Variants in PCDHA4 observed in about 807,000 individuals in gnomAD.
PCDHA4 encodes the protein protocadherin alpha 4.
A neutral mutation model predicts 61.4 loss-of-function variants in PCDHA4; 49 were observed. That is an observed-to-expected ratio of 0.80 (90% confidence interval 0.63 to 1.01). The LOEUF (loss-of-function observed/expected upper bound fraction) is 1.01, where lower values mean the gene tolerates loss of function less well. Among genes scored for constraint, PCDHA4 ranks in the 50% least tolerant of loss-of-function variants. The pLI is 0.00. For synonymous variants in PCDHA4, 590 were observed against 550.3 expected, an observed-to-expected ratio of 1.07 and a Z score of -1.01; for missense variants, 1,254 against 1,235.8, an observed-to-expected ratio of 1.01 and a Z score of -0.22.
chr5:140,869,973 C>A (rs782664221), intron 1 of PCDHA4: 2 of 1,613,100 alleles, frequency 1.2e-6, no homozygotes, highest in Admixed American at 1.7e-5. Context: ...ATGGAAGACA[C>A]TTATTTACAC....
At chr5:140,871,429 C>T in intron 1 of PCDHA4, 1 of 1,613,216 alleles carries the variant, frequency 6.2e-7, no homozygotes, top group Admixed American at 1.7e-5. Context: ...CCCCAGTCTT[C>T]CTCTAGGTCT....
intron 1 of PCDHA4, chr5:140,823,596 G>T (rs2150127281): frequency 6.2e-7 from 1 of 1,614,020 alleles, no homozygotes; most frequent in Non-Finnish European, 8.5e-7. Flanking sequence ...CTTGGCTTTC[G>T]TATGAGCTGC....
intron 1 of PCDHA4, among the ~76,000 whole-genome samples, chr5:140,933,797 A>G (rs1419925900): frequency 6.6e-6 from 1 of 152,062 alleles, no homozygotes; most frequent in African/African-American, 2.4e-5. Context: ...GAAAATTTTA[A>G]TTGAGATCAA....
chr5:140,813,034 G>T (rs1554126101), intron 1 of PCDHA4: 1 of 152,154 alleles, frequency 6.6e-6, no homozygotes, highest in African/African-American at 2.4e-5. Flanking sequence ...TCTTGAATTT[G>T]TTAAGACTTG....
At chr5:140,967,547 A>G (rs1554229662) in intron 1 of PCDHA4, 1 of 1,613,890 alleles carries the variant, frequency 6.2e-7, no homozygotes, top group Non-Finnish European at 8.5e-7. Context: ...TGACCAGTCC[A>G]CTTATCGCGT....
intron 1 of PCDHA4, among the ~76,000 whole-genome samples, chr5:140,908,124 C>A (rs782391085): frequency 6.6e-6 from 1 of 152,234 alleles, no homozygotes; most frequent in Non-Finnish European, 1.5e-5. Flanking sequence ...GATTTCCCTT[C>A]ACTGCTGTCC....
rs577527606 is a variant in PCDHA4 at position 140,882,595 on chromosome 5, C to A, written c.2385+73023C>A. 3.7e-6 allele frequency: 6 copies of A among 1,614,204 alleles called. No individual in the cohort carries two copies. The African/African-American group carries it at 8.0e-5, about 22-fold the overall frequency. On this transcript the variant is annotated intron_variant, in intron 1 of 3. Coordinates refer to ENST00000530339, the MANE Select transcript of PCDHA4 (RefSeq NM_018907.4). ...AGTGCAGCATCCACCTGGAGGTGAT[C>A]GTGGACAGGCCTCTGCAGGTTTTCC...
rs781941183 is a variant in PCDHA4, at chr5:140,884,613, C to T, written c.2385+75041C>T. On this transcript the variant is annotated intron_variant, in intron 1 of 3. Transcript: ENST00000530339. ...CCCAGCCTTCCTCCTTGTCTGGGTT[C>T]TGCAGAGGGAACAGGCCAGAGGGAG... 3 of 1,614,086 alleles carry T rather than the reference C, an allele frequency of 1.9e-6. No individual in the cohort carries two copies. The South Asian group carries it at 3.3e-5, about 18-fold the overall frequency.
At chr5:140,984,612 G>T (rs2097111075) in intron 3 of PCDHA4, among the ~76,000 whole-genome samples, 1 of 152,026 alleles carries the variant, frequency 6.6e-6, no homozygotes, top group Admixed American at 6.6e-5. Flanking sequence ...CTGCATCAGT[G>T]GTGTAAAGTT....
At position 140,982,510 on chromosome 5, in the gene PCDHA4, C is replaced by T; in HGVS notation, c.2480C>T (p.Ala827Val). 6.2e-7 allele frequency: 1 copy of T among 1,614,170 alleles called. No homozygotes were observed. The highest frequency in any genetic ancestry group is 8.5e-7 in the Non-Finnish European group (1 of 1,180,020). The change falls in exon 3 of 4, where the codon GCT becomes GTT. Residue 827 changes from alanine to valine, a missense_variant. Ala to Val is a moderately conservative substitution (Grantham distance 64, BLOSUM62 0). Coordinates refer to ENST00000530339, the MANE Select transcript of PCDHA4 (RefSeq NM_018907.4). ...CTAGAGGAGGCTGGCATTCTACGGGCTGGTCCAGGAGGGCCTGATCAGCAG... is the reference window on the plus strand; with the variant it reads ...CTAGAGGAGGCTGGCATTCTACGGGTTGGTCCAGGAGGGCCTGATCAGCAG... ...VHLEEAGILR[A>V]GPGGPDQQWP...
chr5:140,900,424 C>T (rs557118930), intron 1 of PCDHA4, among the ~76,000 whole-genome samples: 151 of 152,214 alleles, frequency 9.9e-4, no homozygotes, highest in African/African-American at 3.3e-3. Flanking sequence ...ATTATAGGCA[C>T]GTGCCACCAC....
At chr5:140,813,756 G>A (rs1381820714) in intron 1 of PCDHA4, 1 of 152,316 alleles carries the variant, frequency 6.6e-6, no homozygotes, top group African/African-American at 2.4e-5. Context: ...AGCACTTTGG[G>A]AGGCTGAGGA....
Position 140,807,093 on chromosome 5 carries a change from A to C in PCDHA4, c.-95A>C. ...ATATACACTCTTTGGAGTCTGAAAT[A>C]TGGAGGATGCAGCTGCACTTGACTG... On this transcript the variant is annotated 5_prime_UTR_variant, in exon 1 of 4. The change abolishes an upstream ATG in the 5' untranslated region. Transcript: ENST00000530339. 7.3e-7 allele frequency: 1 copy of C among 1,371,290 alleles called. No individual in the cohort carries two copies. The highest frequency in any genetic ancestry group is 1.4e-5 in the African/African-American group (1 of 69,424). The allele number at this position is 1,371,290 out of a possible 1,614,324, so 84.9% of individuals were successfully genotyped here. A position where few individuals can be genotyped will look rare whatever the true frequency, so the allele number is the denominator to read the frequency against.
At chr5:140,858,554 A>T in intron 1 of PCDHA4, 1 of 1,391,946 alleles carries the variant, frequency 7.2e-7, no homozygotes, top group Non-Finnish European at 9.9e-7. Flanking sequence ...TTTATGCTTG[A>T]ATATTTCTAG....
chr5:140,829,641 T>TGGAGCG, intron 1 of PCDHA4: 1 of 1,612,096 alleles, frequency 6.2e-7, no homozygotes, highest in Non-Finnish European at 8.5e-7. Context: ...AGCGGCAAGG[T>TGGAGCG]GTACGCGCTG....
At chr5:140,875,372 T>C in intron 1 of PCDHA4, 5 of 1,451,920 alleles carry the variant, frequency 3.4e-6, no homozygotes, top group Non-Finnish European at 4.5e-6. Flanking sequence ...AAAAATTTAC[T>C]AAATATGTAC....
chr5:141,009,303 T>A (rs1040786824), intron 3 of PCDHA4, among the ~76,000 whole-genome samples: 16 of 152,050 alleles, frequency 1.1e-4, no homozygotes, highest in East Asian at 1.9e-4. Flanking sequence ...AAATTTTTTT[T>A]AAAAAGCTAG....
rs150382315 is a variant in PCDHA4, at chr5:140,929,255, G to A, written c.2386-49694G>A. 5.2e-5 allele frequency: 84 copies of A among 1,613,256 alleles called. No homozygotes were observed. In the South Asian group the frequency reaches 8.9e-4, roughly 17 times the overall value. On this transcript the variant is annotated intron_variant, in intron 1 of 3. Coordinates refer to ENST00000530339, the MANE Select transcript of PCDHA4 (RefSeq NM_018907.4). ...CTGCGAAATCTTGCCACTGGGGTAG[G>A]ACTGAATTTGCCAATATCCTGTATT...
At chr5:140,850,806 G>A (rs1359393363) in intron 1 of PCDHA4, 2 of 1,598,276 alleles carry the variant, frequency 1.3e-6, no homozygotes, top group Non-Finnish European at 1.7e-6. Flanking sequence ...CGACCTCATG[G>A]CCTTCAGCCC....
Sources: allele counts gnomAD v4.1 joint callset (sites outside exome capture counted in the v4.1 genomes callset), GRCh38; gene constraint gnomAD v4.1.1; transcripts MANE v1.5; gene names NCBI Gene and HGNC (gene_info 2026-07-23, HGNC 2026-07-21).